SGPP1: variants seen among roughly 807,000 people sequenced by gnomAD.
SGPP1 encodes hSPP1.
SGPP1 carries 21 observed loss-of-function variants against 33.0 expected under a neutral mutation model. That is an observed-to-expected ratio of 0.64 (90% CI 0.45 to 0.92). The LOEUF (loss-of-function observed/expected upper bound fraction) is 0.92. Ranked by LOEUF, SGPP1 falls within the 40% of genes least tolerant of loss-of-function variation. The pLI, the probability that SGPP1 is intolerant of heterozygous loss-of-function variation, is 0.00. For synonymous variants in SGPP1, 239 were observed against 241.2 expected, an observed-to-expected ratio of 0.99 and a Z score of 0.08; for missense variants, 543 against 589.4, an observed-to-expected ratio of 0.92 and a Z score of 0.81.
intron 1 of SGPP1, among the ~76,000 whole-genome samples, chr14:63,701,555 T>C (rs1885300309): frequency 6.6e-6 from 1 of 152,016 alleles, no homozygotes; most frequent in Non-Finnish European, 1.5e-5. Flanking sequence ...GGCGAATCAG[T>C]GAGCAAAGTT....
intron 2 of SGPP1, among the ~76,000 whole-genome samples, chr14:63,692,687 A>C (rs769975453): frequency 2.6e-4 from 40 of 152,154 alleles, no homozygotes; most frequent in Non-Finnish European, 4.9e-4. Context: ...CCTGGGCTCA[A>C]GTGATTCACC....
At chr14:63,688,189 G>A (rs1021475127) in intron 2 of SGPP1, among the ~76,000 whole-genome samples, 10 of 151,132 alleles carry the variant, frequency 6.6e-5, no homozygotes, top group Non-Finnish European at 1.3e-4. Context: ...GGTGGTACGC[G>A]TTTGTAATCC....
At chr14:63,690,699 T>C (rs1203377895) in intron 2 of SGPP1, among the ~76,000 whole-genome samples, 1 of 152,280 alleles carries the variant, frequency 6.6e-6, no homozygotes, top group East Asian at 1.9e-4. Flanking sequence ...ATGATAGATA[T>C]AAGAAAATAT....
In SGPP1 at chr14:63,703,053, C is replaced by T. The variant is rs77453237; in HGVS notation, c.685-4395G>A. On this transcript the variant is annotated intron_variant, in intron 1 of 2. Coordinates refer to ENST00000247225, the MANE Select transcript of SGPP1 (RefSeq NM_030791.4). ...ACATATCCTCTGCTGATGAGCGGGG[C>T]TACTATACCCCCATTCACAGACGAA... Among the ~76,000 whole-genome samples the T allele has an allele frequency of 7.9e-5, 12 of 152,102 alleles. No homozygotes were observed. In the East Asian group the frequency reaches 2.3e-3, roughly 29 times the overall value.
chr14:63,687,887 G>A (rs562588820), intron 2 of SGPP1, among the ~76,000 whole-genome samples: 6 of 152,220 alleles, frequency 3.9e-5, no homozygotes, highest in South Asian at 4.1e-4. Flanking sequence ...TTCAGAGGCC[G>A]AGGCGGGTGG....
chr14:63,723,852 G>A (rs1024110046), intron 1 of SGPP1, among the ~76,000 whole-genome samples: 2 of 152,006 alleles, frequency 1.3e-5, no homozygotes, highest in Non-Finnish European at 1.5e-5. Context: ...GTAGAAATCT[G>A]CATTTTTAAA....
intron 1 of SGPP1, 108 bp from the exon 2 acceptor site, chr14:63,698,766 A>AAAACAAGTAAAAAC: frequency 1.8e-6 from 1 of 551,122 alleles, no homozygotes. Flanking sequence ...TAAAACAAGA[A>AAAACAAGTAAAAAC]ATTTGTTTTT....
At chr14:63,727,170 G>T (rs529320122) in intron 1 of SGPP1, 91 bp downstream of exon 1, 2 of 1,469,256 alleles carry the variant, frequency 1.4e-6, no homozygotes, top group South Asian at 2.9e-5. Context: ...CTTTGGAGGG[G>T]AACGGTCGAA....
intron 1 of SGPP1, among the ~76,000 whole-genome samples, chr14:63,701,083 C>T (rs958029721): frequency 3.3e-5 from 5 of 151,952 alleles, no homozygotes; most frequent in African/African-American, 1.2e-4. Context: ...CAGACTCAAG[C>T]GACCCTCCTA....
intron 1 of SGPP1, among the ~76,000 whole-genome samples, chr14:63,707,612 C>G (rs181220504): frequency 6.6e-6 from 1 of 151,472 alleles, no homozygotes; most frequent in Non-Finnish European, 1.5e-5. Flanking sequence ...CTCGGCTCAC[C>G]GCAACCTCCG....
rs572478928 is a variant in SGPP1, at chr14:63,697,466, G to A, written c.774+1103C>T. 6.6e-5 allele frequency among the ~76,000 whole-genome samples: 10 copies of A among 152,034 alleles called. No individual in the cohort carries two copies. In the East Asian group the frequency reaches 1.7e-3, roughly 26 times the overall value. The stretch of plus-strand genomic sequence containing the variant: ...TCCATGAATTCTTCCACCTTTTTTT[G>A]TGATCCTTTATCTCCATGATAATAC... On this transcript the variant is annotated intron_variant, in intron 2 of 2. Coordinates refer to ENST00000247225, the MANE Select transcript of SGPP1 (RefSeq NM_030791.4).
chr14:63,702,674 C>T lies in SGPP1; in HGVS notation c.685-4016G>A, dbSNP rs58620317. Among the ~76,000 whole-genome samples, 731 of 152,116 alleles carry T rather than the reference C, an allele frequency of 4.8e-3. 2 individuals are homozygous for T. Among genetic ancestry groups the T allele is most frequent in the African/African-American group, 0.017 (693 of 41,490 alleles). On this transcript the variant is annotated intron_variant, in intron 1 of 2. Transcript: ENST00000247225. The stretch of plus-strand genomic sequence containing the variant: ...GCAGTGAGCCGAGATTGCGCCACTG[C>T]ACTACAGCCTGGGTGAAGAAGTGAG...
In SGPP1 at chr14:63,727,736, C is replaced by G; in HGVS notation, c.209G>C (p.Gly70Ala). 6.8e-7 allele frequency: 1 copy of G among 1,461,582 alleles called. No homozygotes were observed. 90.5% of individuals were successfully genotyped at this position (1,461,582 alleles called of 1,614,324 possible). A position where few individuals can be genotyped will look rare whatever the true frequency, so the allele number is the denominator to read the frequency against. ...PGAPGGPQPP[G>A]SDRNQCPAKP... is the part of the protein sequence containing the mutation. ...GGCCGGGCACTGATTGCGGTCGCTCCCGGGAGGCTGGGGGCCTCCAGGCGC... is the reference window on the plus strand; with the variant it reads ...GGCCGGGCACTGATTGCGGTCGCTCGCGGGAGGCTGGGGGCCTCCAGGCGC... Residue 70 changes from glycine to alanine, a missense_variant, in exon 1 of 3, where the codon GGG (glycine) becomes GCG (alanine). By Grantham distance (60) the Gly-to-Ala change is moderately conservative. Transcript: ENST00000247225.
intron 2 of SGPP1, among the ~76,000 whole-genome samples, chr14:63,692,446 T>C (rs1196535678): frequency 4.6e-5 from 7 of 150,994 alleles, no homozygotes; most frequent in Non-Finnish European, 1.0e-4. Flanking sequence ...AAACTAAATG[T>C]TCAACTTCCT....
At chr14:63,703,090 G>A (rs1416592665) in intron 1 of SGPP1, among the ~76,000 whole-genome samples, 1 of 151,838 alleles carries the variant, frequency 6.6e-6, no homozygotes, top group Non-Finnish European at 1.5e-5. Context: ...TGATCCTAAA[G>A]ATAGAAAATC....
intron 1 of SGPP1, among the ~76,000 whole-genome samples, chr14:63,700,305 G>A (rs1885270672): frequency 6.6e-6 from 1 of 151,936 alleles, no homozygotes; most frequent in Non-Finnish European, 1.5e-5. Context: ...TTTCCACCTT[G>A]AGGTCCCTAT....
chr14:63,709,418 A>G (rs1255998633), intron 1 of SGPP1, among the ~76,000 whole-genome samples: 1 of 151,466 alleles, frequency 6.6e-6, no homozygotes, highest in East Asian at 1.9e-4. Flanking sequence ...CTCTCTTTAC[A>G]GTTAAAGAAC....
At chr14:63,692,903 G>C (rs764203475) in intron 2 of SGPP1, among the ~76,000 whole-genome samples, 5 of 152,220 alleles carry the variant, frequency 3.3e-5, no homozygotes, top group African/African-American at 1.2e-4. Context: ...TGGATAAGGA[G>C]ATCTCAAATG....
At chr14:63,695,082 A>C (rs1383028575) in intron 2 of SGPP1, among the ~76,000 whole-genome samples, 1 of 151,532 alleles carries the variant, frequency 6.6e-6, no homozygotes, top group Non-Finnish European at 1.5e-5. Flanking sequence ...TTTGAGAGGG[A>C]GTCTCGCTCT....
Sources: allele counts gnomAD v4.1 joint callset (sites outside exome capture counted in the v4.1 genomes callset), GRCh38; gene constraint gnomAD v4.1.1; transcripts MANE v1.5; gene names NCBI Gene and HGNC (gene_info 2026-07-23, HGNC 2026-07-21).